The following CAPN7 variants were observed in gnomAD, a reference collection of about 807,000 sequenced individuals.
CAPN7 encodes calpain 7, also known as calpain-7.
CAPN7 carries 72 observed loss-of-function variants against 115.2 expected under a neutral mutation model. The observed-to-expected ratio is 0.63, with a 90% CI of 0.52 to 0.76. CAPN7 has a LOEUF of 0.76. Ranked by LOEUF, CAPN7 falls within the 30% of genes least tolerant of loss-of-function variation. The pLI is 0.00. For synonymous variants in CAPN7, 344 were observed against 322.3 expected, an observed-to-expected ratio of 1.07 and a Z score of -0.72; for missense variants, 905 against 971.5, an observed-to-expected ratio of 0.93 and a Z score of 0.91.
chr3:15,233,816 T>G lies in CAPN7; in HGVS notation c.1180-51T>G, dbSNP rs1227876705. ...GAGATGTAATAGCTGCTCTGGGGAT[T>G]TAAGAACTTGAAAATGACACTGGCA... is the stretch of plus-strand genomic sequence containing the variant. On this transcript the variant is annotated intron_variant, in intron 10 of 20. Transcript: ENST00000253693. The G allele has an allele frequency of 3.2e-6, 3 of 951,658 alleles. No homozygotes were observed. The African/African-American group carries it at 4.9e-5, about 15-fold the overall frequency. The allele number at this position is 951,658 out of a possible 1,614,324, so 59.0% of individuals were successfully genotyped here.
rs934289937 is a variant in CAPN7 at position 15,206,368 on chromosome 3, C to A, written c.-128C>A. The A allele has an allele frequency of 1.5e-6, 1 of 668,662 alleles. No homozygotes were observed. The highest frequency in any genetic ancestry group is 1.9e-5 in the African/African-American group (1 of 52,394). 41.4% of individuals were successfully genotyped at this position (668,662 alleles called of 1,614,324 possible). A position where few individuals can be genotyped will look rare whatever the true frequency, so the allele number is the denominator to read the frequency against. On this transcript the variant is annotated 5_prime_UTR_variant, in exon 1 of 21. Coordinates refer to ENST00000253693, the MANE Select transcript of CAPN7 (RefSeq NM_014296.3). ...GGGAAGGCGAGCTCTCCTCCACCGT[C>A]CAAAGTAAACTTTGCCGCTCCTTCC...
In CAPN7 at chr3:15,245,571, A is replaced by G. The variant is rs1695609672; in HGVS notation, c.1910A>G (p.His637Arg). The G allele has an allele frequency of 6.2e-7, 1 of 1,613,940 alleles. No individual in the cohort carries two copies. Among genetic ancestry groups the G allele is most frequent in the African/African-American group, 1.3e-5 (1 of 75,038 alleles). Reference protein sequence around the residue: ...YIDGIRINSPHYLTKIKLTTP... With the variant: ...YIDGIRINSPRYLTKIKLTTP... ...GATGGAATTCGAATTAACAGCCCTCATTATTTGACTAAGATAAAGCTGACC... is the reference window on the plus strand; with the variant it reads ...GATGGAATTCGAATTAACAGCCCTCGTTATTTGACTAAGATAAAGCTGACC... Residue 637 changes from histidine (H) to arginine (R), a missense_variant, in exon 17 of 21, where the codon CAT (histidine) becomes CGT (arginine). His to Arg is a conservative substitution (Grantham distance 29, BLOSUM62 0). This residue lies in a region of CAPN7 where 620 missense variants were observed against 703.4 expected (regional missense o/e 0.88). Coordinates refer to ENST00000253693, the MANE Select transcript of CAPN7 (RefSeq NM_014296.3).
chr3:15,215,105 G>A (rs2045172750), intron 2 of CAPN7, among the ~76,000 whole-genome samples: 1 of 152,128 alleles, frequency 6.6e-6, no homozygotes, highest in Non-Finnish European at 1.5e-5. Context: ...CTTCAGAGAG[G>A]CATTTAAGAA....
At position 15,232,651 on chromosome 3, in the gene CAPN7, C is replaced by T; in HGVS notation, c.1165C>T (p.Pro389Ser). 6.2e-7 allele frequency: 1 copy of T among 1,607,732 alleles called. No homozygotes were observed. Among genetic ancestry groups the T allele is most frequent in the Non-Finnish European group, 8.5e-7 (1 of 1,177,656 alleles). Residue 389 changes from proline (P) to serine (S), a missense_variant, in exon 10 of 21, where the codon CCA becomes TCA. Pro to Ser is a moderately conservative substitution (Grantham distance 74). Transcript: ENST00000253693. ...GAAAGTCATGGGAGGATATGATTTT[C>T]CAGGATCCAACTCCGTAAGTAATAG... ...YMKVMGGYDF[P>S]GSNSNIDLHA...
rs373744481 is a variant in CAPN7 at position 15,241,489 on chromosome 3, C to T, written c.1689C>T (p.Ala563=). ...CTAAGCAAGGACCTGTGAAAGATGC[C>T]TATAGCCTGGCCAACAACCCCCAGT... ...WDAKQGPVKD[A]YSLANNPQYK... The change falls in exon 15 of 21, where the codon GCC becomes GCT. Residue 563 remains alanine (A), a synonymous_variant. Transcript: ENST00000253693. 10 of 1,613,966 alleles carry T rather than the reference C, an allele frequency of 6.2e-6. No individual in the cohort carries two copies. Among genetic ancestry groups the T allele is most frequent in the African/African-American group, 1.3e-5 (1 of 74,898 alleles).
rs1470777359 is a variant in CAPN7 at position 15,221,096 on chromosome 3, GTTA to G, written c.638+120_638+122del. ...GATTTCTCCTATAGTGTATTGTGCT[GTTA>G]TTATGTAATTATATCATCATGTAGT... On this transcript the variant is annotated intron_variant, in intron 5 of 20. Coordinates refer to ENST00000253693, the MANE Select transcript of CAPN7 (RefSeq NM_014296.3). 27 of 735,776 alleles carry G rather than the reference GTTA, an allele frequency of 3.7e-5. No individual in the cohort carries two copies. In the South Asian group the frequency reaches 4.6e-4, roughly 13 times the overall value. 45.6% of individuals were successfully genotyped at this position (735,776 alleles called of 1,614,324 possible). A position where few individuals can be genotyped will look rare whatever the true frequency, so the allele number is the denominator to read the frequency against.
At chr3:15,223,434 G>T in intron 5 of CAPN7, 41 bp from the exon 6 acceptor site, 1 of 1,240,804 alleles carries the variant, frequency 8.1e-7, no homozygotes. Context: ...TGGCAATTAA[G>T]GTAAACTTGA....
At position 15,224,607 on chromosome 3, in the gene CAPN7, GA is replaced by G. The variant is rs59743200; in HGVS notation, c.725+1056del. Among the ~76,000 whole-genome samples, 849 of 147,654 alleles carry G rather than the reference GA, an allele frequency of 5.7e-3. 11 individuals carry two copies. Among genetic ancestry groups the G allele is most frequent in the African/African-American group, 0.02 (807 of 40,728 alleles). On this transcript the variant is annotated intron_variant, in intron 6 of 20. Coordinates refer to ENST00000253693, the MANE Select transcript of CAPN7 (RefSeq NM_014296.3). ...CTTTTCATGTATTTATAGATGCATA[GA>G]AAAAAAAAATGATGTGGAGAAATAT...
intron 12 of CAPN7, among the ~76,000 whole-genome samples, chr3:15,238,383 G>T (rs1695130206): frequency 6.6e-6 from 1 of 151,414 alleles, no homozygotes; most frequent in Non-Finnish European, 1.5e-5. Context: ...CAAAGTGCTG[G>T]GATTACAGGC....
chr3:15,251,958 T>TA lies in CAPN7; in HGVS notation c.*704dup, dbSNP rs1245115085. The TA allele has an allele frequency of 1.3e-5, 2 of 152,274 alleles. No individual in the cohort carries two copies. The highest frequency in any genetic ancestry group is 2.9e-5 in the Non-Finnish European group (2 of 68,026). 9.4% of individuals were successfully genotyped at this position (152,274 alleles called of 1,614,324 possible). On this transcript the variant is annotated 3_prime_UTR_variant, in exon 21 of 21. Transcript: ENST00000253693. ...AATTCACTACTGCAGTTTTTATTTT[T>TA]AAAAAACAGTAATTGAGATATTGAA...
At chr3:15,242,621 C>T (rs148412714) in intron 16 of CAPN7, among the ~76,000 whole-genome samples, 1 of 152,116 alleles carries the variant, frequency 6.6e-6, no homozygotes, top group East Asian at 1.9e-4. Context: ...CTTAATCTAC[C>T]TGCCCCCCTT....
At chr3:15,236,450 C>T (rs1272762152) in intron 12 of CAPN7, among the ~76,000 whole-genome samples, 1 of 152,160 alleles carries the variant, frequency 6.6e-6, no homozygotes, top group Non-Finnish European at 1.5e-5. Flanking sequence ...CCCTTGATAA[C>T]AGAACGAATA....
chr3:15,217,177 G>A (rs955738736), intron 2 of CAPN7, among the ~76,000 whole-genome samples: 1 of 151,780 alleles, frequency 6.6e-6, no homozygotes, highest in African/African-American at 2.4e-5. Flanking sequence ...AGCCCGAGGA[G>A]GTAGAGGCTG....
chr3:15,212,872 G>C (rs4524261), intron 2 of CAPN7, among the ~76,000 whole-genome samples: 18,933 of 152,046 alleles, frequency 0.12, 3,936 homozygotes, highest in African/African-American at 0.43. Flanking sequence ...ATGATAAAGC[G>C]CCAAGCAGAA....
chr3:15,245,533 A>C lies in CAPN7; in HGVS notation c.1872A>C (p.Pro624=), dbSNP rs941299183. 1.9e-6 allele frequency: 3 copies of C among 1,612,638 alleles called. No individual in the cohort carries two copies. The highest frequency in any genetic ancestry group is 2.5e-6 in the Non-Finnish European group (3 of 1,179,466). ...DGKKVYYPAD[P]PPYIDGIRIN... ...CTACTTGTTTGTTTGCAGCTGACCC[A>C]CCTCCATACATTGATGGAATTCGAA... The change falls in exon 17 of 21, where the codon CCA becomes CCC. Residue 624 remains proline, a synonymous_variant. Coordinates refer to ENST00000253693, the MANE Select transcript of CAPN7 (RefSeq NM_014296.3).
chr3:15,227,579 T>A (rs1306899095), intron 6 of CAPN7, among the ~76,000 whole-genome samples: 3 of 152,142 alleles, frequency 2.0e-5, no homozygotes, highest in Non-Finnish European at 4.4e-5. Flanking sequence ...ATGCTAAATT[T>A]AAAAAATTAT....
In CAPN7 at chr3:15,241,658, A is replaced by G. The variant is rs142582134; in HGVS notation, c.1788+70A>G. 6.0e-5 allele frequency: 79 copies of G among 1,314,510 alleles called. No individual in the cohort carries two copies. The African/African-American group carries it at 9.3e-4, about 16-fold the overall frequency. 81.4% of individuals were successfully genotyped at this position (1,314,510 alleles called of 1,614,324 possible). ...ATATAGTTAGAACATTGTGAAAGAC[A>G]TACGTAAACACCAGCCTGTTTAATT... is the stretch of plus-strand genomic sequence containing the variant. On this transcript the variant is annotated intron_variant, in intron 15 of 20. Coordinates refer to ENST00000253693, the MANE Select transcript of CAPN7 (RefSeq NM_014296.3).
chr3:15,221,147 T>G (rs1318082608), intron 5 of CAPN7, 166 bp downstream of exon 5: 3 of 520,040 alleles, frequency 5.8e-6, no homozygotes, highest in Non-Finnish European at 1.0e-5. Context: ...TAGTTAAAAT[T>G]TTAGTTCTGA....
At chr3:15,214,959 CTGTTG>C (rs2045164642) in intron 2 of CAPN7, among the ~76,000 whole-genome samples, 1 of 152,208 alleles carries the variant, frequency 6.6e-6, no homozygotes. Context: ...GAGGCCAAGG[CTGTTG>C]CTAAAAAGTC....
Sources: allele counts gnomAD v4.1 joint callset (sites outside exome capture counted in the v4.1 genomes callset), GRCh38; gene constraint gnomAD v4.1.1; regional missense constraint gnomAD v4.1.1; transcripts MANE v1.5; gene names NCBI Gene and HGNC (gene_info 2026-07-23, HGNC 2026-07-21).